Variants in GGT5 observed in about 807,000 individuals in gnomAD.
GGT5 encodes the protein gamma-glutamyltransferase 5.
GGT5 carries 50 observed loss-of-function variants against 58.1 expected under a neutral mutation model. The ratio of observed to expected loss-of-function variants is 0.86; its 90% CI spans 0.69 to 1.09. The LOEUF (loss-of-function observed/expected upper bound fraction) is 1.09, where lower values mean the gene tolerates loss of function less well. Ranked by LOEUF, GGT5 falls within the 50% of genes least tolerant of loss-of-function variation. The pLI is 0.00. For missense variants in GGT5, 800 were observed against 789.4 expected (o/e 1.01, Z -0.16); for synonymous variants, 370 against 346.1 (o/e 1.07, Z -0.77).
chr22:24,233,507 G>C lies in GGT5; in HGVS notation c.391C>G (p.Leu131Val), dbSNP rs763866123. The part of the protein sequence containing the change: ...LLDQCAQALP[L>V]GTGAQWIGVP... ...CTCCATGGGGCGTCACCTGTGCCCA[G>C]TGGCAGAGCCTGTGCACACTGGTCC... The change falls in exon 3 of 12, where the codon CTG (leucine) becomes GTG (valine). Residue 131 changes from leucine to valine, a missense_variant. By Grantham distance (32) the Leu-to-Val change is conservative. Coordinates refer to ENST00000327365, the MANE Select transcript of GGT5 (RefSeq NM_004121.5). 5 of 1,598,254 alleles carry C rather than the reference G, an allele frequency of 3.1e-6. No homozygotes were observed. The East Asian group carries it at 6.7e-5, about 21-fold the overall frequency.
chr22:24,225,767 G>A lies in GGT5; in HGVS notation c.1230-115C>T, dbSNP rs2047741293. On this transcript the variant is annotated intron_variant, in intron 8 of 11. Transcript: ENST00000327365. ...TTTTACAGCTGCCCCGAAGCATGCT[G>A]AAGCCGCTATTCTCTCCCTGGCACC... 8.3e-6 allele frequency: 6 copies of A among 720,730 alleles called. No homozygotes were observed. In the South Asian group the frequency reaches 9.3e-5, roughly 11 times the overall value. 44.6% of individuals were successfully genotyped at this position (720,730 alleles called of 1,614,324 possible).
chr22:24,238,808 A>ATC (rs2048195226), intron 1 of GGT5, among the ~76,000 whole-genome samples: 10 of 1,508 alleles, frequency 6.6e-3, no homozygotes, highest in African/African-American at 0.023. Flanking sequence ...TATATATATA[A>ATC]TATATTATAT....
chr22:24,233,559 C>T lies in GGT5; in HGVS notation c.339G>A (p.Val113=). Residue 113 remains valine (V), a synonymous_variant, in exon 3 of 12, where the codon GTG becomes GTA. Coordinates refer to ENST00000327365, the MANE Select transcript of GGT5 (RefSeq NM_004121.5). ...KVEVINARET[V]PASHAPSLLD... is the part of the protein sequence containing the mutation. ...GCAGGCTCGGGGCGTGGCTGGCCGG[C>T]ACCGTCTCCCGGGCATTGATGACCT... The T allele has an allele frequency of 6.2e-7, 1 of 1,609,406 alleles. No individual in the cohort carries two copies. Among genetic ancestry groups the T allele is most frequent in the Non-Finnish European group, 8.5e-7 (1 of 1,179,156 alleles).
chr22:24,220,675 C>A lies in GGT5; in HGVS notation c.1615-559G>T, dbSNP rs1333526660. On this transcript the variant is annotated intron_variant, in intron 11 of 11. Transcript: ENST00000327365. Reference sequence around the variant, plus strand: ...CACTTGGGAGCCAAGGTGGCAGGATCACTTGAGGCCAGGAGTTTGAGAACA... The same window carrying A: ...CACTTGGGAGCCAAGGTGGCAGGATAACTTGAGGCCAGGAGTTTGAGAACA... 6.6e-6 allele frequency: 3 copies of A among 455,344 alleles called. No homozygotes were observed. In the Admixed American group the frequency reaches 7.1e-5, roughly 11 times the overall value. The allele number at this position is 455,344 out of a possible 1,614,324, so 28.2% of individuals were successfully genotyped here. A position where few individuals can be genotyped will look rare whatever the true frequency, so the allele number is the denominator to read the frequency against.
At position 24,220,087 on chromosome 22, in the gene GGT5, G is replaced by A; in HGVS notation, c.1644C>T (p.Gly548=). 1.9e-6 allele frequency: 3 copies of A among 1,614,192 alleles called. No individual in the cohort carries two copies. The highest frequency in any genetic ancestry group is 1.1e-5 in the South Asian group (1 of 91,082). ...QEVQRGLQDR[G]QNQTQRPFFL... ...AGAAGGGCCTCTGGGTCTGGTTCTG[G>A]CCACGGTCTTGGAGTCCCCTCTGCA... Residue 548 remains glycine (G), a synonymous_variant, in exon 12 of 12, where the codon GGC becomes GGT. Transcript: ENST00000327365.
Position 24,220,074 on chromosome 22 carries a change from G to A in GGT5, c.1657C>T (p.Gln553Ter), listed in dbSNP as rs1312810713. ...GLQDRGQNQT[Q>*]RPFFLNVVQA... ...ACCACGTTCAGGAAGAAGGGCCTCT[G>A]GGTCTGGTTCTGGCCACGGTCTTGG... The change falls in exon 12 of 12, where the codon CAG becomes TAG. Residue 553 changes from glutamine to a stop codon, truncating the protein, a stop_gained. Transcript: ENST00000327365. LOFTEE classifies it low-confidence loss of function (END_TRUNC). 2 of 1,614,082 alleles carry A rather than the reference G, an allele frequency of 1.2e-6. No homozygotes were observed. Among genetic ancestry groups the A allele is most frequent in the East Asian group, 4.5e-5 (2 of 44,902 alleles).
chr22:24,231,777 T>G (rs573995612), intron 5 of GGT5, among the ~76,000 whole-genome samples: 18 of 152,158 alleles, frequency 1.2e-4, no homozygotes, highest in African/African-American at 3.6e-4. Context: ...AGCTGGCTTA[T>G]GAGAGCCTGT....
chr22:24,238,830 T>A (rs1223717120), intron 1 of GGT5, among the ~76,000 whole-genome samples: 1 of 10,846 alleles, frequency 9.2e-5, no homozygotes, highest in Non-Finnish European at 1.3e-4. Flanking sequence ...TATATATATA[T>A]ATTTATATAT....
chr22:24,238,779 A>AT (rs1272366917), intron 1 of GGT5, among the ~76,000 whole-genome samples: 6 of 24,262 alleles, frequency 2.5e-4, no homozygotes, highest in African/African-American at 1.5e-3. Context: ...ATATATATAT[A>AT]ATATATATTA....
intron 5 of GGT5, among the ~76,000 whole-genome samples, 173 bp from the exon 6 acceptor site, chr22:24,231,703 T>C (rs972583227): frequency 4.6e-5 from 7 of 151,582 alleles, no homozygotes; most frequent in African/African-American, 1.7e-4. Context: ...GGGCCAGGCG[T>C]GGAGGGGTGG....
chr22:24,228,067 C>CAAAAAAAAAAAAAAAAAAA (rs1311445310), intron 6 of GGT5, among the ~76,000 whole-genome samples: 1 of 88,242 alleles, frequency 1.1e-5, no homozygotes, highest in Non-Finnish European at 2.1e-5. Context: ...AAAAAAAAAA[C>CAAAAAAAAAAAAAAAAAAA]AAAACAAAAA....
In GGT5 at chr22:24,220,798, G is replaced by A. The variant is rs141156586; in HGVS notation, c.1615-682C>T. The A allele has an allele frequency of 3.2e-3, 1,250 of 394,270 alleles. 17 individuals carry two copies. The highest frequency in any genetic ancestry group is 0.024 in the African/African-American group (1,149 of 47,498). The allele number at this position is 394,270 out of a possible 1,614,324, so 24.4% of individuals were successfully genotyped here. On this transcript the variant is annotated intron_variant, in intron 11 of 11. Coordinates refer to ENST00000327365, the MANE Select transcript of GGT5 (RefSeq NM_004121.5). ...TGTAATCCCAGCACTTTGGGAGGCC[G>A]GCGCAGGAGGATCTTTTGAGCTCAG...
chr22:24,235,013 C>T (rs369065165), intron 1 of GGT5, among the ~76,000 whole-genome samples: 69 of 151,064 alleles, frequency 4.6e-4, no homozygotes, highest in African/African-American at 1.7e-3. Flanking sequence ...TCCCTAACAC[C>T]CAGGAATCCT....
Position 24,225,299 on chromosome 22 carries a change from C to T in GGT5, c.1449G>A (p.Ser483=), listed in dbSNP as rs139383582. 101 of 1,613,954 alleles carry T rather than the reference C, an allele frequency of 6.3e-5. No individual in the cohort carries two copies. Among genetic ancestry groups the T allele is most frequent in the Middle Eastern group, 4.9e-4 (3 of 6,084 alleles). ...CGCCAGCCCCGCCAATCACTAGCTT[C>T]GACCCCTGGGCTTTGTTGATCAAGA... ...PSILINKAQG[S]KLVIGGAGGE... Residue 483 remains serine (S), a synonymous_variant, in exon 10 of 12, where the codon TCG becomes TCA. Transcript: ENST00000327365.
Position 24,219,873 on chromosome 22 carries a change from T to C in GGT5, c.*97A>G. ...CTCAGCTGGACTCCCCTGCCAGGGGTCCAGATCCTGCCAGAGTAGTTGGTC... is the reference window on the plus strand; with the variant it reads ...CTCAGCTGGACTCCCCTGCCAGGGGCCCAGATCCTGCCAGAGTAGTTGGTC... On this transcript the variant is annotated 3_prime_UTR_variant, in exon 12 of 12. Coordinates refer to ENST00000327365, the MANE Select transcript of GGT5 (RefSeq NM_004121.5). The C allele has an allele frequency of 8.0e-7, 1 of 1,249,262 alleles. No individual in the cohort carries two copies. The highest frequency in any genetic ancestry group is 1.1e-6 in the Non-Finnish European group (1 of 876,466). 77.4% of individuals were successfully genotyped at this position (1,249,262 alleles called of 1,614,324 possible).
chr22:24,239,349 G>A lies in GGT5; in HGVS notation c.173+5204C>T, dbSNP rs868491249. ...GCGAGACTCTGTCTCAAAAAAAAAA[G>A]GGTAACAGAAGAGGTAAACGTGTGG... On this transcript the variant is annotated intron_variant, in intron 1 of 11. Coordinates refer to ENST00000327365, the MANE Select transcript of GGT5 (RefSeq NM_004121.5). 4.0e-5 allele frequency among the ~76,000 whole-genome samples: 6 copies of A among 151,598 alleles called. No individual in the cohort carries two copies. In the East Asian group the frequency reaches 5.8e-4, roughly 15 times the overall value.
intron 3 of GGT5, 23 bp from the exon 4 acceptor site, chr22:24,233,041 C>T: frequency 6.8e-7 from 1 of 1,464,840 alleles, no homozygotes; most frequent in Non-Finnish European, 9.1e-7. Flanking sequence ...TCCCAGCTCT[C>T]AACCCTGTGG....
Position 24,244,899 on chromosome 22 carries a change from G to A in GGT5, c.-174C>T, listed in dbSNP as rs2048433955. Reference sequence around the variant, plus strand: ...GATCGACAGATAGGCCAGATAGCTAGACAAAGAGGACAGTAAGAGAAAGAT... The same window carrying A: ...GATCGACAGATAGGCCAGATAGCTAAACAAAGAGGACAGTAAGAGAAAGAT... On this transcript the variant is annotated 5_prime_UTR_variant, in exon 1 of 12. Coordinates refer to ENST00000327365, the MANE Select transcript of GGT5 (RefSeq NM_004121.5). The A allele has an allele frequency of 1.4e-5, 16 of 1,129,950 alleles. No individual in the cohort carries two copies. Among genetic ancestry groups the A allele is most frequent in the Middle Eastern group, 3.0e-4 (1 of 3,310 alleles). The allele number at this position is 1,129,950 out of a possible 1,614,324, so 70.0% of individuals were successfully genotyped here. A position where few individuals can be genotyped will look rare whatever the true frequency, so the allele number is the denominator to read the frequency against.
At chr22:24,236,679 T>C (rs956518364) in intron 1 of GGT5, among the ~76,000 whole-genome samples, 19 of 150,152 alleles carry the variant, frequency 1.3e-4, no homozygotes, top group African/African-American at 4.7e-4. Context: ...AGGAGAATGG[T>C]GTGAACCTGG....
Sources: gnomAD v4.1 joint callset for allele counts (sites outside exome capture counted in the v4.1 genomes callset) on GRCh38, gnomAD v4.1.1 for gene constraint, MANE v1.5 for transcripts, NCBI Gene and HGNC (gene_info 2026-07-23, HGNC 2026-07-21) for gene names.